UBE2E2: variants seen among roughly 807,000 people sequenced by gnomAD.
UBE2E2 encodes the protein ubiquitin-conjugating enzyme E2 E2.
In UBE2E2, 6 loss-of-function variants were observed where a neutral mutation model predicts 24.7. The ratio of observed to expected loss-of-function variants is 0.24; its 90% CI spans 0.13 to 0.48. The LOEUF is 0.48. Ranked by LOEUF, UBE2E2 falls within the 20% of genes least tolerant of loss-of-function variation. The pLI, the probability that UBE2E2 is intolerant of heterozygous loss-of-function variation, is 0.99. For missense variants in UBE2E2, 169 were observed against 245.0 expected, an observed-to-expected ratio of 0.69 and a Z score of 2.07; for synonymous variants, 104 against 83.6, an observed-to-expected ratio of 1.24 and a Z score of -1.33.
chr3:23,324,479 C>T (rs1694832041), intron 3 of UBE2E2, among the ~76,000 whole-genome samples: 1 of 152,046 alleles, frequency 6.6e-6, no homozygotes, highest in Non-Finnish European at 1.5e-5. Context: ...CTCTGCCTTT[C>T]CTCTCTTTCT....
chr3:23,588,642 TGTTAA>T (rs1341344917), intron 5 of UBE2E2, among the ~76,000 whole-genome samples: 3 of 152,064 alleles, frequency 2.0e-5, no homozygotes, highest in Non-Finnish European at 2.9e-5. Context: ...CCCAGCACCC[TGTTAA>T]GTTAAGCACC....
At chr3:23,234,719 C>T (rs1028113685) in intron 3 of UBE2E2, among the ~76,000 whole-genome samples, 3 of 152,078 alleles carry the variant, frequency 2.0e-5, no homozygotes, top group African/African-American at 7.2e-5. Context: ...ATGTCTCTTT[C>T]TAAGTGTTTA....
intron 3 of UBE2E2, among the ~76,000 whole-genome samples, chr3:23,329,453 G>A (rs954784824): frequency 5.9e-5 from 9 of 152,256 alleles, no homozygotes; most frequent in Admixed American, 2.6e-4. Context: ...TAGGCAGACA[G>A]TTGGTATTTA....
At chr3:23,364,555 C>T (rs1353659918) in intron 3 of UBE2E2, among the ~76,000 whole-genome samples, 1 of 152,020 alleles carries the variant, frequency 6.6e-6, no homozygotes, top group Non-Finnish European at 1.5e-5. Context: ...AAACATACGA[C>T]CTCCCAAGAT....
At chr3:23,409,518 A>G (rs899929906) in intron 3 of UBE2E2, among the ~76,000 whole-genome samples, 1 of 152,104 alleles carries the variant, frequency 6.6e-6, no homozygotes, top group Admixed American at 6.6e-5. Context: ...TATACCCCAT[A>G]TATTTCCCCT....
intron 3 of UBE2E2, among the ~76,000 whole-genome samples, chr3:23,476,829 T>C (rs1484983048): frequency 6.6e-6 from 1 of 152,198 alleles, no homozygotes; most frequent in Non-Finnish European, 1.5e-5. Context: ...AGTTACTGCT[T>C]CCAATATCAT....
At chr3:23,392,516 G>A (rs528917524) in intron 3 of UBE2E2, among the ~76,000 whole-genome samples, 2 of 152,104 alleles carry the variant, frequency 1.3e-5, no homozygotes, top group East Asian at 3.9e-4. Context: ...AAACAAAACA[G>A]GAAGAAGAAG....
intron 3 of UBE2E2, among the ~76,000 whole-genome samples, chr3:23,375,909 G>C (rs1002726991): frequency 6.6e-6 from 1 of 152,154 alleles, no homozygotes; most frequent in Non-Finnish European, 1.5e-5. Context: ...TAAATTATAT[G>C]TAGCCAAAGT....
intron 5 of UBE2E2, among the ~76,000 whole-genome samples, chr3:23,581,263 T>C (rs2125518837): frequency 6.6e-6 from 1 of 151,910 alleles, no homozygotes; most frequent in East Asian, 2.0e-4. Context: ...CTCGCTATAT[T>C]GATCAGGTTC....
chr3:23,266,572 A>C (rs1698055767), intron 3 of UBE2E2, among the ~76,000 whole-genome samples: 1 of 151,942 alleles, frequency 6.6e-6, no homozygotes, highest in Non-Finnish European at 1.5e-5. Context: ...GCTGCCCTTA[A>C]CATTTTTTCC....
chr3:23,556,239 G>C (rs949019260), intron 5 of UBE2E2, among the ~76,000 whole-genome samples: 7 of 143,654 alleles, frequency 4.9e-5, no homozygotes, highest in African/African-American at 1.8e-4. Flanking sequence ...CCACCTCCCA[G>C]GTTCAAGCGA....
At chr3:23,577,847 A>G (rs1401392116) in intron 5 of UBE2E2, among the ~76,000 whole-genome samples, 1 of 152,156 alleles carries the variant, frequency 6.6e-6, no homozygotes, top group Non-Finnish European at 1.5e-5. Context: ...AGTTGAAGCC[A>G]GTGCTCATTT....
At chr3:23,579,458 G>A (rs1409370125) in intron 5 of UBE2E2, among the ~76,000 whole-genome samples, 2 of 150,726 alleles carry the variant, frequency 1.3e-5, no homozygotes, top group Non-Finnish European at 2.9e-5. Context: ...TGGGAGGCTA[G>A]GTGGGAGGAT....
At chr3:23,459,582 TG>T (rs752282779) in intron 3 of UBE2E2, among the ~76,000 whole-genome samples, 18 of 152,208 alleles carry the variant, frequency 1.2e-4, no homozygotes, top group Non-Finnish European at 2.4e-4. Flanking sequence ...CAAAGGCTGT[TG>T]AACAGTAGGA....
chr3:23,443,168 T>TGGTTTCAGAGG (rs1381788759), intron 3 of UBE2E2, among the ~76,000 whole-genome samples: 1 of 152,170 alleles, frequency 6.6e-6, no homozygotes, highest in Non-Finnish European at 1.5e-5. Flanking sequence ...TCCCTCTGAG[T>TGGTTTCAGAGG]GATCTCATCT....
intron 3 of UBE2E2, among the ~76,000 whole-genome samples, chr3:23,228,704 T>C (rs751285955): frequency 6.6e-6 from 1 of 152,234 alleles, no homozygotes; most frequent in Non-Finnish European, 1.5e-5. Flanking sequence ...GTCTACATTC[T>C]TCAGAATGTC....
chr3:23,266,936 A>G (rs573780118), intron 3 of UBE2E2, among the ~76,000 whole-genome samples: 3 of 152,310 alleles, frequency 2.0e-5, no homozygotes, highest in East Asian at 1.9e-4. Flanking sequence ...AAACTGAACA[A>G]CCTGCTCCTG....
At chr3:23,398,099 G>T (rs1211116092) in intron 3 of UBE2E2, among the ~76,000 whole-genome samples, 1 of 152,016 alleles carries the variant, frequency 6.6e-6, no homozygotes, top group African/African-American at 2.4e-5. Context: ...GATCACCTGA[G>T]GTCAGGAGTT....
chr3:23,234,659 G>A (rs1048116514), intron 3 of UBE2E2, among the ~76,000 whole-genome samples: 1 of 152,158 alleles, frequency 6.6e-6, no homozygotes, highest in African/African-American at 2.4e-5. Context: ...GCTTGGGAAG[G>A]AGGTAGGGGG....
Sources: allele counts gnomAD v4.1 joint callset (sites outside exome capture counted in the v4.1 genomes callset), GRCh38; gene constraint gnomAD v4.1.1; transcripts MANE v1.5; gene names NCBI Gene and HGNC (gene_info 2026-07-23, HGNC 2026-07-21).